The following KIF16B variants were observed in gnomAD, a reference collection of about 807,000 sequenced individuals.
The protein encoded by KIF16B is kinesin-like protein KIF16B.
Under a neutral mutation model 156.3 loss-of-function variants are expected in KIF16B, and 98 were observed. That is an observed-to-expected ratio of 0.63 (90% CI 0.53 to 0.74). The LOEUF is 0.74. KIF16B is among the 30% of genes least tolerant of loss of function. The probability of loss-of-function intolerance (pLI) is 0.00; values close to 1 mark genes in which losing one functional copy is unlikely to be tolerated. For missense variants in KIF16B, 1,421 were observed against 1,606.5 expected, an observed-to-expected ratio of 0.88 and a Z score of 1.97; for synonymous variants, 564 against 583.7, an observed-to-expected ratio of 0.97 and a Z score of 0.49.
chr20:16,347,215 T>A (rs1388899938), intron 23 of KIF16B, among the ~76,000 whole-genome samples: 2 of 152,222 alleles, frequency 1.3e-5, no homozygotes, highest in Admixed American at 6.5e-5. Flanking sequence ...TATTCATTAC[T>A]GAAAGGTAAG....
At chr20:16,327,442 A>C (rs1234758294) in intron 24 of KIF16B, among the ~76,000 whole-genome samples, 2 of 151,990 alleles carry the variant, frequency 1.3e-5, no homozygotes, top group African/African-American at 4.8e-5. Context: ...CCAAACATTT[A>C]TTGAAATAAA....
In KIF16B at chr20:16,499,008, G is replaced by A. The variant is rs572632519; in HGVS notation, c.1177-1330C>T. Reference sequence around the variant, plus strand: ...CGAAAGCAGAGCTGGCCAGAAAGGAGCATAAGCGTTCGTCTTGGTAGGCAA... The same window carrying A: ...CGAAAGCAGAGCTGGCCAGAAAGGAACATAAGCGTTCGTCTTGGTAGGCAA... On this transcript the variant is annotated intron_variant, in intron 10 of 25. Coordinates refer to ENST00000354981, the MANE Select transcript of KIF16B (RefSeq NM_024704.5). 3.3e-5 allele frequency among the ~76,000 whole-genome samples: 5 copies of A among 152,182 alleles called. No homozygotes were observed. The East Asian group carries it at 9.7e-4, about 30-fold the overall frequency.
chr20:16,378,948 C>T lies in KIF16B; in HGVS notation c.3054G>A (p.Ala1018=), dbSNP rs781232907. ...ALARLERRHS[A]LQRHSTLGME... ...TGCCCAGGGTGGAGTGCCTCTGCAG[C>T]GCAGAATGTCTCCTCTCCAGCCTGG... The change falls in exon 19 of 26, where the codon GCG becomes GCA. Residue 1018 remains alanine, a synonymous_variant. Coordinates refer to ENST00000354981, the MANE Select transcript of KIF16B (RefSeq NM_024704.5). 24 of 1,614,108 alleles carry T rather than the reference C, an allele frequency of 1.5e-5. 1 individual carries two copies. The highest frequency in any genetic ancestry group is 5.5e-5 in the South Asian group (5 of 91,074).
chr20:16,397,141 A>G (rs1182576309), intron 17 of KIF16B, among the ~76,000 whole-genome samples: 2 of 152,260 alleles, frequency 1.3e-5, no homozygotes, highest in Non-Finnish European at 2.9e-5. Context: ...AAAGCAAGGC[A>G]GAGGAGGCTT....
At chr20:16,312,608 A>G (rs2122711938) in intron 24 of KIF16B, among the ~76,000 whole-genome samples, 190 bp from the exon 25 acceptor site, 1 of 152,300 alleles carries the variant, frequency 6.6e-6, no homozygotes, top group South Asian at 2.1e-4. Flanking sequence ...CTTGGGTCAC[A>G]TTCCCCAGTG....
In KIF16B at chr20:16,515,440, A is replaced by C; in HGVS notation, c.348+108T>G. 4.8e-6 allele frequency: 3 copies of C among 627,134 alleles called. No individual in the cohort carries two copies. The South Asian group carries it at 6.8e-5, about 14-fold the overall frequency. 38.8% of individuals were successfully genotyped at this position (627,134 alleles called of 1,614,324 possible). ...AGTTTTATCTTATTACTAAAGAATA[A>C]TCAGAACATGAAAAGTTAGTACAGA... On this transcript the variant is annotated intron_variant, in intron 4 of 25. Transcript: ENST00000354981.
At chr20:16,430,080 T>C in intron 12 of KIF16B, 98 bp from the exon 13 acceptor site, 1 of 1,270,242 alleles carries the variant, frequency 7.9e-7, no homozygotes, top group East Asian at 2.4e-5. Flanking sequence ...AATATTTTAT[T>C]TCTCATCTAA....
chr20:16,528,249 C>T (rs2069621058), intron 2 of KIF16B, 122 bp downstream of exon 2: 2 of 708,402 alleles, frequency 2.8e-6, no homozygotes, highest in South Asian at 1.7e-5. Context: ...GCTGACGTGG[C>T]TAACTGCACT....
chr20:16,276,756 T>G (rs1004309447), intron 25 of KIF16B, among the ~76,000 whole-genome samples: 1 of 152,214 alleles, frequency 6.6e-6, no homozygotes, highest in Admixed American at 6.5e-5. Flanking sequence ...AGAAAGTTCT[T>G]AAGGTCACAG....
At chr20:16,559,434 T>A (rs1461979592) in intron 1 of KIF16B, among the ~76,000 whole-genome samples, 1 of 152,066 alleles carries the variant, frequency 6.6e-6, no homozygotes, top group Admixed American at 6.6e-5. Context: ...AAAAAAGTCT[T>A]AACTAAGAAT....
chr20:16,396,899 G>A (rs1356976938), intron 17 of KIF16B, among the ~76,000 whole-genome samples: 2 of 112,970 alleles, frequency 1.8e-5, no homozygotes, highest in Admixed American at 8.4e-5. Context: ...GTTTAATCCT[G>A]ATTTTTGATA....
At chr20:16,523,274 T>C (rs528410898) in intron 3 of KIF16B, among the ~76,000 whole-genome samples, 5 of 152,302 alleles carry the variant, frequency 3.3e-5, no homozygotes, top group Non-Finnish European at 7.3e-5. Context: ...TGATTGTATA[T>C]TTAGAAAACC....
chr20:16,427,187 C>A lies in KIF16B; in HGVS notation c.1529G>T (p.Gly510Val), dbSNP rs1331558025. 2 of 1,612,440 alleles carry A rather than the reference C, an allele frequency of 1.2e-6. No homozygotes were observed. Among genetic ancestry groups the A allele is most frequent in the South Asian group, 1.1e-5 (1 of 90,918 alleles). Residue 510 changes from glycine to valine, a missense_variant, in exon 15 of 26, where the codon GGG (glycine) becomes GTG (valine). By Grantham distance (109) the Gly-to-Val change is moderately radical. Transcript: ENST00000354981. ...SEHCIFENIG[G>V]TVTLIPLSGS... ...ACTCAGGGGTATCAGAGTCACTGTC[C>A]CCCCGATATTTTCAAAGATGCAATG...
At chr20:16,568,923 T>C (rs990997875) in intron 1 of KIF16B, among the ~76,000 whole-genome samples, 7 of 150,794 alleles carry the variant, frequency 4.6e-5, no homozygotes, top group Non-Finnish European at 1.0e-4. Context: ...ATGATCTGAA[T>C]GTTTGTCTCC....
intron 12 of KIF16B, among the ~76,000 whole-genome samples, chr20:16,468,972 C>T (rs1276327586): frequency 2.0e-5 from 3 of 152,056 alleles, no homozygotes; most frequent in African/African-American, 4.8e-5. Flanking sequence ...TGTAAAGGAA[C>T]ATGGGCACAG....
chr20:16,373,558 C>A (rs527805828), intron 20 of KIF16B, among the ~76,000 whole-genome samples: 6 of 152,310 alleles, frequency 3.9e-5, no homozygotes, highest in Admixed American at 2.0e-4. Flanking sequence ...ATTATACTCA[C>A]AATCATTCTG....
Position 16,272,949 on chromosome 20 carries a change from T to C in KIF16B, c.*304A>G. 1 of 252,756 alleles carries C rather than the reference T, an allele frequency of 4.0e-6. No individual in the cohort carries two copies. The highest frequency in any genetic ancestry group is 7.9e-5 in the South Asian group (1 of 12,690). 15.7% of individuals were successfully genotyped at this position (252,756 alleles called of 1,614,324 possible). A position where few individuals can be genotyped will look rare whatever the true frequency, so the allele number is the denominator to read the frequency against. On this transcript the variant is annotated 3_prime_UTR_variant, in exon 26 of 26. Transcript: ENST00000354981. ...GGGAACCCACGATGGCCCAACCACATCTATCTTGCCACAGGGGACGAACTT... is the reference window on the plus strand; with the variant it reads ...GGGAACCCACGATGGCCCAACCACACCTATCTTGCCACAGGGGACGAACTT...
chr20:16,396,575 G>C (rs2065507400), intron 17 of KIF16B, among the ~76,000 whole-genome samples: 1 of 150,628 alleles, frequency 6.6e-6, no homozygotes, highest in African/African-American at 2.4e-5. Flanking sequence ...GGGAGAGGCA[G>C]AGACAGAGAG....
intron 1 of KIF16B, among the ~76,000 whole-genome samples, chr20:16,555,106 C>T (rs1225918162): frequency 6.6e-6 from 1 of 152,218 alleles, no homozygotes; most frequent in Admixed American, 6.5e-5. Context: ...CAAAGGTTTC[C>T]AGCTGGCAAA....
Sources: allele counts gnomAD v4.1 joint callset (sites outside exome capture counted in the v4.1 genomes callset), GRCh38; gene constraint gnomAD v4.1.1; transcripts MANE v1.5; gene names NCBI Gene and HGNC (gene_info 2026-07-23, HGNC 2026-07-21).